The following RFX7 variants were observed in gnomAD, a reference collection of about 807,000 sequenced individuals.
RFX7 encodes regulatory factor X7.
Under a neutral mutation model 111.8 loss-of-function variants are expected in RFX7, and 26 were observed. The ratio of observed to expected loss-of-function variants is 0.23; its 90% CI spans 0.17 to 0.32. RFX7 has a LOEUF of 0.32. RFX7 is among the 10% of genes least tolerant of loss of function. RFX7 has a pLI of 1.00. For missense variants in RFX7, 1,573 were observed against 1,772.9 expected (o/e 0.89, Z 2.02); for synonymous variants, 624 against 624.4 (o/e 1.00, Z 0.01).
intron 5 of RFX7, among the ~76,000 whole-genome samples, chr15:56,141,920 A>G (rs1184621602): frequency 2.6e-5 from 4 of 151,786 alleles, no homozygotes; most frequent in Non-Finnish European, 5.9e-5. Context: ...TAGCTCCATT[A>G]TGTTTCTTTT....
At chr15:56,145,137 A>AT (rs1290148049) in intron 3 of RFX7, among the ~76,000 whole-genome samples, 1 of 152,140 alleles carries the variant, frequency 6.6e-6, no homozygotes, top group Non-Finnish European at 1.5e-5. Context: ...CAACTATGTC[A>AT]TTTTGTCTCT....
chr15:56,137,908 C>T (rs1398349184), intron 5 of RFX7, among the ~76,000 whole-genome samples: 96 of 152,074 alleles, frequency 6.3e-4, no homozygotes, highest in African/African-American at 2.3e-3. Flanking sequence ...GTTCAGTTTC[C>T]ATGTAGTTGA....
intron 2 of RFX7, among the ~76,000 whole-genome samples, chr15:56,219,802 T>C (rs1191086794): frequency 1.3e-5 from 2 of 152,244 alleles, no homozygotes; most frequent in Non-Finnish European, 1.5e-5. Flanking sequence ...TCTTTGTTAT[T>C]GTGAATAGTG....
rs2041564294 is a variant in RFX7, at chr15:56,089,082, T to C, written c.*4263A>G. On this transcript the variant is annotated 3_prime_UTR_variant, in exon 10 of 10. Transcript: ENST00000559447. ...TCATTTAAGATGAATGACCACATGC[T>C]CCAGGAAATGGGCCCCCCCTCCTAC... is the stretch of plus-strand genomic sequence containing the variant. 2.0e-5 allele frequency: 3 copies of C among 152,134 alleles called. No individual in the cohort carries two copies. The highest frequency in any genetic ancestry group is 7.2e-5 in the African/African-American group (3 of 41,422). 9.4% of individuals were successfully genotyped at this position (152,134 alleles called of 1,614,324 possible). A position where few individuals can be genotyped will look rare whatever the true frequency, so the allele number is the denominator to read the frequency against.
intron 3 of RFX7, among the ~76,000 whole-genome samples, chr15:56,169,749 T>TCA (rs2042823513): frequency 7.1e-6 from 1 of 141,622 alleles, no homozygotes; most frequent in South Asian, 2.3e-4. Flanking sequence ...TTGTCCCACT[T>TCA]CACCTGCTCA....
At chr15:56,174,807 GAAACAGAAAGTAACATGTTT>G (rs1319302759) in intron 3 of RFX7, among the ~76,000 whole-genome samples, 2 of 151,980 alleles carry the variant, frequency 1.3e-5, no homozygotes, top group Non-Finnish European at 2.9e-5. Context: ...TAGCAAAATA[GAAACAGAAAGTAACATGTTT>G]AACCTGATGA....
intron 2 of RFX7, among the ~76,000 whole-genome samples, chr15:56,203,666 C>T (rs1257917831): frequency 1.3e-5 from 2 of 152,162 alleles, no homozygotes; most frequent in Non-Finnish European, 2.9e-5. Context: ...CCCACCAAAA[C>T]CAAAATGGCC....
Position 56,243,126 on chromosome 15 carries a change from A to C in RFX7, c.160T>G (p.Cys54Gly), listed in dbSNP as rs1280333873. ...GCGAGCGATGGAGGATCCTCTTACCAGATGGAGTTCTTGATCTTGTGTTGC... is the reference window on the plus strand; with the variant it reads ...GCGAGCGATGGAGGATCCTCTTACCCGATGGAGTTCTTGATCTTGTGTTGC... ...ALQHKIKNSICKTVQSKVDCI... is the reference protein window; with the variant it reads ...ALQHKIKNSIGKTVQSKVDCI... Residue 54 changes from cysteine to glycine, a missense_variant and splice_region_variant, in exon 2 of 10, where the codon TGC becomes GGC. Coordinates refer to ENST00000559447, the MANE Select transcript of RFX7 (RefSeq NM_022841.7). The C allele has an allele frequency of 7.4e-7, 1 of 1,359,680 alleles. No individual in the cohort carries two copies. Among genetic ancestry groups the C allele is most frequent in the East Asian group, 4.7e-5 (1 of 21,320 alleles). The allele number at this position is 1,359,680 out of a possible 1,614,324, so 84.2% of individuals were successfully genotyped here.
At chr15:56,226,247 G>A (rs2043482348) in intron 2 of RFX7, among the ~76,000 whole-genome samples, 1 of 152,112 alleles carries the variant, frequency 6.6e-6, no homozygotes, top group African/African-American at 2.4e-5. Context: ...AAGCTTTAAA[G>A]GAGATGTAAT....
At chr15:56,207,415 C>T (rs2043265494) in intron 2 of RFX7, among the ~76,000 whole-genome samples, 1 of 152,052 alleles carries the variant, frequency 6.6e-6, no homozygotes, top group Non-Finnish European at 1.5e-5. Flanking sequence ...TTAAAAATGA[C>T]TAAAGTGGTA....
intron 2 of RFX7, among the ~76,000 whole-genome samples, chr15:56,189,646 AG>A (rs1453910892): frequency 2.0e-5 from 3 of 152,234 alleles, no homozygotes; most frequent in Admixed American, 1.3e-4. Context: ...AAGATGTTCA[AG>A]GAACCAAGCC....
intron 5 of RFX7, among the ~76,000 whole-genome samples, chr15:56,111,135 G>A (rs1379033921): frequency 3.3e-4 from 46 of 141,282 alleles, no homozygotes; most frequent in Non-Finnish European, 6.7e-4. Context: ...CCACCACCCC[G>A]TCTGGGAGGT....
intron 5 of RFX7, among the ~76,000 whole-genome samples, chr15:56,119,163 T>G (rs2042044429): frequency 6.6e-6 from 1 of 152,228 alleles, no homozygotes; most frequent in African/African-American, 2.4e-5. Context: ...TGTTAACTGC[T>G]TTCTTTGCTG....
intron 3 of RFX7, chr15:56,179,005 C>T (rs2042933753): frequency 1.3e-5 from 2 of 159,936 alleles, no homozygotes; most frequent in Admixed American, 1.3e-4. Context: ...TTTAATTGTT[C>T]GTTTAAGCAG....
chr15:56,211,153 A>C (rs1206419772), intron 2 of RFX7, among the ~76,000 whole-genome samples: 2 of 152,098 alleles, frequency 1.3e-5, no homozygotes, highest in Non-Finnish European at 2.9e-5. Context: ...TCCAAACCAA[A>C]AGCAAAGGGT....
At position 56,134,884 on chromosome 15, in the gene RFX7, G is replaced by T. The variant is rs542489865; in HGVS notation, c.401+7894C>A. Among the ~76,000 whole-genome samples the T allele has an allele frequency of 1.1e-3, 164 of 151,910 alleles. 1 individual carries two copies. The highest frequency in any genetic ancestry group is 3.8e-3 in the African/African-American group (157 of 41,430). Reference sequence around the variant, plus strand: ...GCAGTGTTTGGTTTTTTGTTCTTGCGATAGTTTACTGAGAATGATGTTTTC... The same window carrying T: ...GCAGTGTTTGGTTTTTTGTTCTTGCTATAGTTTACTGAGAATGATGTTTTC... On this transcript the variant is annotated intron_variant, in intron 5 of 9. Transcript: ENST00000559447.
At chr15:56,219,380 TTTTA>T (rs1407221823) in intron 2 of RFX7, among the ~76,000 whole-genome samples, 2 of 152,182 alleles carry the variant, frequency 1.3e-5, no homozygotes, top group Non-Finnish European at 2.9e-5. Flanking sequence ...TTTTTTTAAC[TTTTA>T]TTTTAGATTC....
intron 3 of RFX7, among the ~76,000 whole-genome samples, chr15:56,176,568 C>A (rs1369972161): frequency 2.0e-5 from 3 of 152,120 alleles, no homozygotes; most frequent in African/African-American, 7.2e-5. Context: ...ACCAGACATT[C>A]TATTTCCAGC....
At chr15:56,145,187 C>T (rs2042451506) in intron 3 of RFX7, among the ~76,000 whole-genome samples, 1 of 152,150 alleles carries the variant, frequency 6.6e-6, no homozygotes, top group Non-Finnish European at 1.5e-5. Context: ...TCCTACCTTT[C>T]TTCTAAACTC....
Sources: gnomAD v4.1 joint callset for allele counts (sites outside exome capture counted in the v4.1 genomes callset) on GRCh38, gnomAD v4.1.1 for gene constraint, MANE v1.5 for transcripts, NCBI Gene and HGNC (gene_info 2026-07-23, HGNC 2026-07-21) for gene names.